The following CUX2 variants were observed in gnomAD, a reference collection of about 807,000 sequenced individuals.
CUX2 encodes cut like homeobox 2, also known as homeobox protein cut-like 2.
In CUX2, 40 loss-of-function variants were observed where a neutral mutation model predicts 144.8. That is an observed-to-expected ratio of 0.28 (90% confidence interval 0.21 to 0.36). The LOEUF (loss-of-function observed/expected upper bound fraction) is 0.36. CUX2 is among the 10% of genes least tolerant of loss of function. The pLI, the probability that CUX2 is intolerant of heterozygous loss-of-function variation, is 1.00. For synonymous variants in CUX2, 827 were observed against 875.6 expected (o/e 0.94, Z 0.98); for missense variants, 1,615 against 1,994.0 (o/e 0.81, Z 3.62).
At position 111,037,290 on chromosome 12, in the gene CUX2, G is replaced by A. The variant is rs1016548634; in HGVS notation, c.63+3050G>A. Among the ~76,000 whole-genome samples, 3 of 152,354 alleles carry A rather than the reference G, an allele frequency of 2.0e-5. No homozygotes were observed. The highest frequency in any genetic ancestry group is 2.0e-4 in the Admixed American group (3 of 15,300). The stretch of plus-strand genomic sequence containing the variant: ...TTAAAGTGGCCGAGGCAACATGGGC[G>A]GCCCCGTGTCCCCAGGCCATACCAC... On this transcript the variant is annotated intron_variant, in intron 1 of 21. Coordinates refer to ENST00000261726, the MANE Select transcript of CUX2 (RefSeq NM_015267.4). The surrounding 1 kb of genome is among the most constrained non-coding windows in gnomAD (Gnocchi z 5.4).
intron 1 of CUX2, among the ~76,000 whole-genome samples, chr12:111,158,631 G>A (rs1044662601): frequency 1.3e-5 from 2 of 152,070 alleles, no homozygotes; most frequent in Non-Finnish European, 2.9e-5. Context: ...GAAGATGGGT[G>A]ACAGCAGCCT....
chr12:111,169,110 G>A (rs1878346642), intron 1 of CUX2, among the ~76,000 whole-genome samples: 1 of 152,208 alleles, frequency 6.6e-6, no homozygotes. Flanking sequence ...CCATACTAGA[G>A]TAGGGTGGGC....
rs923818189 is a variant in CUX2, at chr12:111,322,248, G to T, written c.2767-173G>T. Among the ~76,000 whole-genome samples, 9 of 151,148 alleles carry T rather than the reference G, an allele frequency of 6.0e-5. No individual in the cohort carries two copies. Among genetic ancestry groups the T allele is most frequent in the Admixed American group, 2.6e-4 (4 of 15,122 alleles). On this transcript the variant is annotated intron_variant, in intron 17 of 21. Transcript: ENST00000261726. This position sits in a 1 kb window ranked among gnomAD's most constrained non-coding sequence, Gnocchi z 4.2. ...CAGGAGAATCATTTGAACCTGGGAG[G>T]CGGAGTTTGCAGTGAGCTGAGATGG... is the stretch of plus-strand genomic sequence containing the variant.
At chr12:111,292,634 A>C (rs1337985323) in intron 5 of CUX2, among the ~76,000 whole-genome samples, 1 of 152,152 alleles carries the variant, frequency 6.6e-6, no homozygotes, top group African/African-American at 2.4e-5. Context: ...GGAAAATGCC[A>C]GACAGGAAAG....
intron 16 of CUX2, 61 bp from the exon 17 acceptor site, chr12:111,319,951 C>T (rs1283225504): frequency 2.1e-6 from 3 of 1,411,926 alleles, no homozygotes; most frequent in East Asian, 5.6e-5. Flanking sequence ...CTGTGAACAT[C>T]GTCCCCTGCA....
intron 1 of CUX2, among the ~76,000 whole-genome samples, chr12:111,084,779 TGAG>T (rs888863209): frequency 2.0e-5 from 3 of 152,202 alleles, no homozygotes; most frequent in Non-Finnish European, 2.9e-5. Context: ...CGCTGTATAA[TGAG>T]GGGCCACGTG....
chr12:111,161,364 T>A (rs898708827), intron 1 of CUX2, among the ~76,000 whole-genome samples: 4 of 151,516 alleles, frequency 2.6e-5, no homozygotes, highest in African/African-American at 9.8e-5. Context: ...GAACACTGGG[T>A]CACCTCCCTG....
At chr12:111,193,021 GAC>G (rs1879994416) in intron 1 of CUX2, among the ~76,000 whole-genome samples, 1 of 152,212 alleles carries the variant, frequency 6.6e-6, no homozygotes, top group South Asian at 2.1e-4. Flanking sequence ...AGGGTCCCAA[GAC>G]ACAAAAGTTT....
chr12:111,125,559 G>T (rs1361840654), intron 1 of CUX2, among the ~76,000 whole-genome samples: 1 of 152,176 alleles, frequency 6.6e-6, no homozygotes, highest in Non-Finnish European at 1.5e-5. Flanking sequence ...ATCCATGTTG[G>T]CACATGGATC....
intron 1 of CUX2, among the ~76,000 whole-genome samples, chr12:111,137,632 G>T (rs1317578970): frequency 6.6e-6 from 1 of 152,022 alleles, no homozygotes; most frequent in Admixed American, 6.6e-5. Context: ...TCCCACCTCA[G>T]CCTCCAGAGT....
chr12:111,206,986 A>G (rs1042324873), intron 1 of CUX2, among the ~76,000 whole-genome samples: 6 of 152,160 alleles, frequency 3.9e-5, no homozygotes, highest in African/African-American at 7.2e-5. Flanking sequence ...GGGTGGATGT[A>G]TGTCTGGATG....
rs538363188 is a variant in CUX2, at chr12:111,118,135, T to G, written c.63+83895T>G. Among the ~76,000 whole-genome samples the G allele has an allele frequency of 6.6e-5, 10 of 152,274 alleles. No homozygotes were observed. The South Asian group carries it at 1.9e-3, about 28-fold the overall frequency. On this transcript the variant is annotated intron_variant, in intron 1 of 21. Transcript: ENST00000261726. ...AATTCTGTGCTAGTGCTAGTTTATA[T>G]CAGTTCACTAGAGCCAAATGTTAAA...
At position 111,160,290 on chromosome 12, in the gene CUX2, C is replaced by A. The variant is rs938496788; in HGVS notation, c.64-53910C>A. Among the ~76,000 whole-genome samples, 3 of 152,122 alleles carry A rather than the reference C, an allele frequency of 2.0e-5. No homozygotes were observed. The highest frequency in any genetic ancestry group is 7.2e-5 in the African/African-American group (3 of 41,428). On this transcript the variant is annotated intron_variant, in intron 1 of 21. Transcript: ENST00000261726. This position sits in a 1 kb window ranked among gnomAD's most constrained non-coding sequence, Gnocchi z 4.1. ...GGTTTGGAGGGCTATTAAATGGACCCCCTAAGGCTGAGGAATCAGACCAGT... is the reference window on the plus strand; with the variant it reads ...GGTTTGGAGGGCTATTAAATGGACCACCTAAGGCTGAGGAATCAGACCAGT...
At chr12:111,158,487 A>AC (rs1555275495) in intron 1 of CUX2, among the ~76,000 whole-genome samples, 15 of 151,062 alleles carry the variant, frequency 9.9e-5, no homozygotes, top group African/African-American at 3.7e-4. Context: ...AAAAAAAAAA[A>AC]AGCTCAGCCA....
chr12:111,268,282 T>C (rs1265373554), intron 4 of CUX2, among the ~76,000 whole-genome samples: 1 of 151,626 alleles, frequency 6.6e-6, no homozygotes, highest in Non-Finnish European at 1.5e-5. Context: ...TGAAGTACAG[T>C]GGTGCAATCT....
intron 4 of CUX2, among the ~76,000 whole-genome samples, chr12:111,279,925 T>C (rs972518143): frequency 6.6e-6 from 1 of 152,118 alleles, no homozygotes; most frequent in African/African-American, 2.4e-5. Context: ...GAGGTTGCAG[T>C]GAGCCGAGAT....
At chr12:111,235,539 G>A (rs1398716423) in intron 3 of CUX2, among the ~76,000 whole-genome samples, 1 of 151,986 alleles carries the variant, frequency 6.6e-6, no homozygotes, top group Non-Finnish European at 1.5e-5. Flanking sequence ...TGATCAACAT[G>A]GTAAAACCCC....
chr12:111,222,886 C>T (rs904248007), intron 3 of CUX2, among the ~76,000 whole-genome samples: 4 of 152,154 alleles, frequency 2.6e-5, no homozygotes, highest in Non-Finnish European at 5.9e-5. Flanking sequence ...TGCATTAGAT[C>T]ATCACTTGAG....
intron 3 of CUX2, among the ~76,000 whole-genome samples, chr12:111,257,125 T>C (rs984739719): frequency 2.6e-5 from 4 of 152,058 alleles, no homozygotes; most frequent in Non-Finnish European, 5.9e-5. Flanking sequence ...GCCATGTGCT[T>C]CCACAGATGC....
Sources: gnomAD v4.1 joint callset for allele counts (sites outside exome capture counted in the v4.1 genomes callset) on GRCh38, gnomAD v4.1.1 for gene constraint, Gnocchi (gnomAD v3.1) non-coding constraint, MANE v1.5 for transcripts, NCBI Gene and HGNC (gene_info 2026-07-23, HGNC 2026-07-21) for gene names.